SLC25A21: variants seen among roughly 807,000 people sequenced by gnomAD.
The protein encoded by SLC25A21 is solute carrier family 25 member 21.
In SLC25A21, 47 loss-of-function variants were observed where a neutral mutation model predicts 43.8. The ratio of observed to expected loss-of-function variants is 1.07; its 90% CI spans 0.85 to 1.37. The LOEUF (loss-of-function observed/expected upper bound fraction) is 1.37. Among genes scored for constraint, SLC25A21 ranks in the 40% most tolerant of loss-of-function variants. The probability of loss-of-function intolerance (pLI) is 0.00; values close to 1 mark genes in which losing one functional copy is unlikely to be tolerated. For missense variants in SLC25A21, 352 were observed against 350.2 expected (o/e 1.00, Z -0.04); for synonymous variants, 131 against 121.3 (o/e 1.08, Z -0.52).
intron 1 of SLC25A21, among the ~76,000 whole-genome samples, chr14:36,958,965 G>A (rs1031458027): frequency 6.6e-6 from 1 of 152,146 alleles, no homozygotes; most frequent in Non-Finnish European, 1.5e-5. Context: ...GATCTCACGA[G>A]CTCCTAGCCT....
chr14:36,696,690 T>TTG (rs1338482008), intron 7 of SLC25A21, among the ~76,000 whole-genome samples: 1 of 152,192 alleles, frequency 6.6e-6, no homozygotes, highest in Non-Finnish European at 1.5e-5. Context: ...TCTAGTTTAT[T>TTG]TGCGTAGAGG....
chr14:36,926,487 G>T (rs1892136158), intron 1 of SLC25A21, among the ~76,000 whole-genome samples: 1 of 152,152 alleles, frequency 6.6e-6, no homozygotes, highest in African/African-American at 2.4e-5. Context: ...AGATAAATCA[G>T]AGAGGTGGGT....
chr14:36,916,984 T>C (rs1891849256), intron 1 of SLC25A21, among the ~76,000 whole-genome samples: 1 of 152,144 alleles, frequency 6.6e-6, no homozygotes, highest in Non-Finnish European at 1.5e-5. Context: ...CAAGCAGCCT[T>C]TAGAGCCTAG....
chr14:36,913,710 C>A (rs1891752750), intron 1 of SLC25A21, among the ~76,000 whole-genome samples: 1 of 152,102 alleles, frequency 6.6e-6, no homozygotes, highest in Non-Finnish European at 1.5e-5. Flanking sequence ...GTTAAAAGAA[C>A]CTTTTATAAA....
At chr14:36,726,577 C>T (rs1884610643) in intron 5 of SLC25A21, among the ~76,000 whole-genome samples, 1 of 152,222 alleles carries the variant, frequency 6.6e-6, no homozygotes, top group Non-Finnish European at 1.5e-5. Flanking sequence ...TTCTTATTCG[C>T]TATCTGTTAA....
At chr14:36,871,863 A>T (rs1890383294) in intron 2 of SLC25A21, among the ~76,000 whole-genome samples, 1 of 152,134 alleles carries the variant, frequency 6.6e-6, no homozygotes, top group Admixed American at 6.5e-5. Context: ...TAAAAAATTT[A>T]GTATAGAAAA....
In SLC25A21 at chr14:36,698,344, C is replaced by T. The variant is rs113670216; in HGVS notation, c.603+12974G>A. Among the ~76,000 whole-genome samples the T allele has an allele frequency of 5.2e-3, 796 of 152,294 alleles. 7 individuals carry two copies. The highest frequency in any genetic ancestry group is 0.018 in the African/African-American group (750 of 41,556). The stretch of plus-strand genomic sequence containing the variant: ...GACCTTTCTCTCTGGCTGCCCTTAA[C>T]ACCTTTTCCTTCATTTCAACCTTGG... On this transcript the variant is annotated intron_variant, in intron 7 of 9. Coordinates refer to ENST00000331299, the MANE Select transcript of SLC25A21 (RefSeq NM_030631.4).
intron 1 of SLC25A21, among the ~76,000 whole-genome samples, chr14:37,014,309 C>T (rs1195336330): frequency 1.3e-5 from 2 of 152,152 alleles, no homozygotes; most frequent in Non-Finnish European, 2.9e-5. Flanking sequence ...TCCACTTAAA[C>T]CCTGCAACTG....
intron 1 of SLC25A21, among the ~76,000 whole-genome samples, chr14:36,936,507 G>A (rs1303123749): frequency 2.6e-5 from 4 of 152,178 alleles, no homozygotes; most frequent in Non-Finnish European, 4.4e-5. Context: ...TAACTAATGT[G>A]TGATAGAAAT....
At chr14:36,766,361 G>A (rs966614123) in intron 3 of SLC25A21, among the ~76,000 whole-genome samples, 2 of 152,080 alleles carry the variant, frequency 1.3e-5, no homozygotes, top group Non-Finnish European at 2.9e-5. Context: ...CTTACTGTGG[G>A]CTGTGATCAC....
In SLC25A21 at chr14:37,003,055, G is replaced by A. The variant is rs143886755; in HGVS notation, c.71-128051C>T. Among the ~76,000 whole-genome samples, 820 of 152,162 alleles carry A rather than the reference G, an allele frequency of 5.4e-3. 11 individuals carry two copies. Among genetic ancestry groups the A allele is most frequent in the African/African-American group, 0.019 (793 of 41,508 alleles). ...CCCTTATCTATTGAGAATATGTTCC[G>A]AGACCCCCCAGCGGATGCCTGAAAC... On this transcript the variant is annotated intron_variant, in intron 1 of 9. Transcript: ENST00000331299.
intron 2 of SLC25A21, among the ~76,000 whole-genome samples, chr14:36,854,282 A>G (rs1041482531): frequency 1.3e-5 from 2 of 152,246 alleles, no homozygotes; most frequent in Non-Finnish European, 2.9e-5. Flanking sequence ...TGTCAGAGAA[A>G]TGAATTGTTG....
At chr14:36,873,285 T>G (rs1890426036) in intron 2 of SLC25A21, among the ~76,000 whole-genome samples, 1 of 152,084 alleles carries the variant, frequency 6.6e-6, no homozygotes, top group Non-Finnish European at 1.5e-5. Context: ...TTTTTCTTTT[T>G]TCTTTTATTG....
intron 1 of SLC25A21, among the ~76,000 whole-genome samples, chr14:36,961,218 G>GT (rs11319195): frequency 1.5e-3 from 214 of 147,576 alleles, no homozygotes; most frequent in East Asian, 4.4e-3. Context: ...TCGTTTTTTG[G>GT]TTTTTTTTTT....
At chr14:36,932,098 T>C (rs1489125205) in intron 1 of SLC25A21, among the ~76,000 whole-genome samples, 1 of 152,152 alleles carries the variant, frequency 6.6e-6, no homozygotes, top group Non-Finnish European at 1.5e-5. Flanking sequence ...TTCTTCCATA[T>C]ACATAAGAAG....
chr14:36,752,827 C>T (rs1002452837), intron 3 of SLC25A21, among the ~76,000 whole-genome samples: 2 of 152,034 alleles, frequency 1.3e-5, no homozygotes, highest in African/African-American at 2.4e-5. Context: ...AAGGGGCTTT[C>T]CCCGCCTTTG....
At chr14:36,976,573 T>C (rs1271165006) in intron 1 of SLC25A21, among the ~76,000 whole-genome samples, 1 of 151,972 alleles carries the variant, frequency 6.6e-6, no homozygotes, top group African/African-American at 2.4e-5. Context: ...GCAAAGTGCC[T>C]GTGCAACGTG....
chr14:36,934,839 G>A (rs546502318), intron 1 of SLC25A21, among the ~76,000 whole-genome samples: 1 of 152,118 alleles, frequency 6.6e-6, no homozygotes, highest in East Asian at 1.9e-4. Context: ...TAAGCACTTA[G>A]TATGTTTTCC....
chr14:36,927,006 C>T (rs546205824), intron 1 of SLC25A21, among the ~76,000 whole-genome samples: 11 of 152,128 alleles, frequency 7.2e-5, no homozygotes, highest in African/African-American at 2.6e-4. Context: ...CCCAACTCTA[C>T]TAGAAATGCA....
Sources: allele counts gnomAD v4.1 joint callset (sites outside exome capture counted in the v4.1 genomes callset), GRCh38; gene constraint gnomAD v4.1.1; transcripts MANE v1.5; gene names NCBI Gene and HGNC (gene_info 2026-07-23, HGNC 2026-07-21).